The following PARD3B variants were observed in gnomAD, a reference collection of about 807,000 sequenced individuals.
The protein encoded by PARD3B is par-3 family cell polarity regulator beta.
PARD3B carries 103 observed loss-of-function variants against 130.2 expected under a neutral mutation model. The ratio of observed to expected loss-of-function variants is 0.79; its 90% CI spans 0.67 to 0.93. PARD3B has a LOEUF of 0.93. Ranked by LOEUF, PARD3B falls within the 40% of genes least tolerant of loss-of-function variation. The probability of loss-of-function intolerance (pLI) is 0.00; values close to 1 mark genes in which losing one functional copy is unlikely to be tolerated. For missense variants in PARD3B, 1,609 were observed against 1,499.2 expected (o/e 1.07, Z -1.21); for synonymous variants, 583 against 553.2 (o/e 1.05, Z -0.76).
At chr2:205,583,406 C>T (rs1404200012) in intron 22 of PARD3B, among the ~76,000 whole-genome samples, 5 of 25,472 alleles carry the variant, frequency 2.0e-4, no homozygotes, top group South Asian at 2.3e-3. Flanking sequence ...TGTGTGCGCG[C>T]GCACGCGCGT....
intron 1 of PARD3B, among the ~76,000 whole-genome samples, chr2:204,557,293 T>G (rs2030991103): frequency 6.6e-6 from 1 of 152,174 alleles, no homozygotes. Flanking sequence ...TCTCTGTGAA[T>G]CTGCTTGCCC....
chr2:205,075,987 T>A (rs1204640004), intron 4 of PARD3B, among the ~76,000 whole-genome samples: 1 of 152,156 alleles, frequency 6.6e-6, no homozygotes, highest in African/African-American at 2.4e-5. Flanking sequence ...TATGATAAAT[T>A]ACAACTATTT....
At chr2:205,350,661 C>T (rs1248450655) in intron 18 of PARD3B, among the ~76,000 whole-genome samples, 1 of 152,080 alleles carries the variant, frequency 6.6e-6, no homozygotes, top group Non-Finnish European at 1.5e-5. Flanking sequence ...ACCTTAATAG[C>T]CGAGGCAAAG....
intron 1 of PARD3B, among the ~76,000 whole-genome samples, chr2:204,661,364 A>T (rs999486356): frequency 1.3e-5 from 2 of 152,130 alleles, no homozygotes; most frequent in Non-Finnish European, 2.9e-5. Flanking sequence ...TACCTGAAGA[A>T]GTGTCAAGAA....
intron 2 of PARD3B, among the ~76,000 whole-genome samples, chr2:204,856,971 C>T (rs1295853535): frequency 1.3e-5 from 2 of 151,896 alleles, no homozygotes; most frequent in Admixed American, 6.6e-5. Flanking sequence ...TGTAATGCCT[C>T]CAGGTTTTTT....
intron 18 of PARD3B, among the ~76,000 whole-genome samples, chr2:205,340,189 A>G (rs928625718): frequency 1.3e-5 from 2 of 152,126 alleles, no homozygotes; most frequent in East Asian, 3.8e-4. Context: ...TCATTTTAAC[A>G]TTATTAATTC....
At chr2:204,855,827 A>G (rs1416472883) in intron 2 of PARD3B, among the ~76,000 whole-genome samples, 1 of 151,988 alleles carries the variant, frequency 6.6e-6, no homozygotes, top group Non-Finnish European at 1.5e-5. Flanking sequence ...TGCCTGGCTC[A>G]TTTCACTGAG....
chr2:205,056,572 G>A (rs1209606375), intron 4 of PARD3B, among the ~76,000 whole-genome samples: 4 of 150,562 alleles, frequency 2.7e-5, no homozygotes, highest in Non-Finnish European at 5.9e-5. Flanking sequence ...GAAGCCTTCT[G>A]ACAGACTAAA....
intron 2 of PARD3B, among the ~76,000 whole-genome samples, chr2:204,842,536 G>A (rs1055736786): frequency 6.6e-6 from 1 of 151,890 alleles, no homozygotes; most frequent in African/African-American, 2.4e-5. Context: ...GAATGGAGAG[G>A]GAGATTCTCT....
intron 3 of PARD3B, among the ~76,000 whole-genome samples, chr2:204,987,316 A>C (rs1693247943): frequency 6.6e-6 from 1 of 152,228 alleles, no homozygotes; most frequent in Non-Finnish European, 1.5e-5. Flanking sequence ...CTGGGAATAA[A>C]ACATTTTGGA....
At chr2:205,057,302 TGTATTC>T (rs1032215934) in intron 4 of PARD3B, among the ~76,000 whole-genome samples, 72 of 148,886 alleles carry the variant, frequency 4.8e-4, no homozygotes, top group Non-Finnish European at 1.0e-3. Context: ...TATACATGTA[TGTATTC>T]GTATATGTAT....
intron 3 of PARD3B, among the ~76,000 whole-genome samples, chr2:205,003,766 C>G (rs1300402867): frequency 6.6e-6 from 1 of 152,166 alleles, no homozygotes. Context: ...ACATAGTAGG[C>G]AAACAATAAA....
At chr2:204,797,439 G>A (rs986493626) in intron 2 of PARD3B, among the ~76,000 whole-genome samples, 1 of 152,040 alleles carries the variant, frequency 6.6e-6, no homozygotes, top group African/African-American at 2.4e-5. Context: ...AAAACATTTT[G>A]TATCATGAGG....
intron 19 of PARD3B, among the ~76,000 whole-genome samples, chr2:205,436,038 G>A (rs1049472527): frequency 6.6e-6 from 1 of 152,180 alleles, no homozygotes; most frequent in African/African-American, 2.4e-5. Flanking sequence ...TCAGTGTCTG[G>A]TGAGGCCCTG....
chr2:205,019,404 G>A (rs1306886740), intron 3 of PARD3B, among the ~76,000 whole-genome samples: 1 of 152,110 alleles, frequency 6.6e-6, no homozygotes, highest in Non-Finnish European at 1.5e-5. Context: ...GACACTTGTT[G>A]TGAGCACTCT....
At chr2:205,533,053 GA>G (rs1416905619) in intron 21 of PARD3B, among the ~76,000 whole-genome samples, 1 of 152,112 alleles carries the variant, frequency 6.6e-6, no homozygotes, top group Non-Finnish European at 1.5e-5. Context: ...AAATTAGAGG[GA>G]GAAATGATGA....
intron 1 of PARD3B, among the ~76,000 whole-genome samples, chr2:204,625,640 T>G (rs572008401): frequency 8.3e-4 from 127 of 152,356 alleles, no homozygotes; most frequent in African/African-American, 2.9e-3. Context: ...AAGCAATACA[T>G]TGCTATTAGC....
intron 18 of PARD3B, among the ~76,000 whole-genome samples, chr2:205,308,127 A>G (rs971315621): frequency 1.3e-5 from 2 of 152,156 alleles, no homozygotes; most frequent in African/African-American, 4.8e-5. Flanking sequence ...TTTTTATGCT[A>G]TATCTATTAA....
intron 2 of PARD3B, among the ~76,000 whole-genome samples, chr2:204,961,524 A>G (rs1167567983): frequency 2.0e-5 from 3 of 152,300 alleles, no homozygotes; most frequent in Non-Finnish European, 4.4e-5. Context: ...TTAGGAAATG[A>G]GCCTGGAGTT....
Sources: gnomAD v4.1 joint callset for allele counts (sites outside exome capture counted in the v4.1 genomes callset) on GRCh38, gnomAD v4.1.1 for gene constraint, MANE v1.5 for transcripts, NCBI Gene and HGNC (gene_info 2026-07-23, HGNC 2026-07-21) for gene names.